The following CELF1 variants were observed in gnomAD, a reference collection of about 807,000 sequenced individuals.
The protein encoded by CELF1 is 50 kDa nuclear polyadenylated RNA-binding protein.
In CELF1, 10 loss-of-function variants were observed where a neutral mutation model predicts 61.8. That is an observed-to-expected ratio of 0.16 (90% CI 0.10 to 0.27). The LOEUF is 0.27. Among genes scored for constraint, CELF1 ranks in the 10% least tolerant of loss-of-function variants. The probability of loss-of-function intolerance (pLI) is 1.00; values close to 1 mark genes in which losing one functional copy is unlikely to be tolerated. For missense variants in CELF1, 380 were observed against 639.1 expected, an observed-to-expected ratio of 0.59 and a Z score of 4.37; for synonymous variants, 236 against 225.1, an observed-to-expected ratio of 1.05 and a Z score of -0.43.
At chr11:47,532,409 T>C (rs1030694674) in intron 1 of CELF1, among the ~76,000 whole-genome samples, 2 of 152,164 alleles carry the variant, frequency 1.3e-5, no homozygotes, top group Non-Finnish European at 2.9e-5. Context: ...CCCTTTGAAC[T>C]CCAGTACAGG....
In CELF1 at chr11:47,499,675, G is replaced by C. The variant is rs1331464175; in HGVS notation, c.-81-71C>G. ...ACCAGCAATAAGTGCCACAGAAAGA[G>C]GCAGGACTGGGGAAGGGGTAGGGAA... On this transcript the variant is annotated intron_variant, in intron 2 of 14. Coordinates refer to ENST00000687097, the MANE Select transcript of CELF1 (RefSeq NM_001376376.1). 3 of 630,942 alleles carry C rather than the reference G, an allele frequency of 4.8e-6. No individual in the cohort carries two copies. The Admixed American group carries it at 8.3e-5, about 17-fold the overall frequency. The allele number at this position is 630,942 out of a possible 1,614,324, so 39.1% of individuals were successfully genotyped here. A position where few individuals can be genotyped will look rare whatever the true frequency, so the allele number is the denominator to read the frequency against.
At chr11:47,510,391 G>A (rs974264868) in intron 1 of CELF1, among the ~76,000 whole-genome samples, 2 of 152,114 alleles carry the variant, frequency 1.3e-5, no homozygotes, top group African/African-American at 4.8e-5. Flanking sequence ...TACATAGCAC[G>A]TGCTAGATCA....
intron 7 of CELF1, among the ~76,000 whole-genome samples, 191 bp downstream of exon 7, chr11:47,484,198 T>C (rs1596383499): frequency 6.6e-6 from 1 of 151,972 alleles, no homozygotes; most frequent in African/African-American, 2.4e-5. Flanking sequence ...CTGGGTGTCA[T>C]GATGCATGCC....
chr11:47,525,450 A>T (rs1368496889), intron 1 of CELF1, among the ~76,000 whole-genome samples: 1 of 152,188 alleles, frequency 6.6e-6, no homozygotes, highest in Non-Finnish European at 1.5e-5. Context: ...GCCCTTACTG[A>T]AGTACTTAGT....
chr11:47,504,789 C>A (rs1309318044), intron 1 of CELF1, among the ~76,000 whole-genome samples: 1 of 149,732 alleles, frequency 6.7e-6, no homozygotes, highest in Non-Finnish European at 1.5e-5. Flanking sequence ...GTAGTCCCAG[C>A]TACTTGGGAG....
intron 13 of CELF1, among the ~76,000 whole-genome samples, chr11:47,474,225 T>G (rs565750333): frequency 2.0e-5 from 3 of 152,188 alleles, no homozygotes; most frequent in Non-Finnish European, 4.4e-5. Context: ...CCAAAAAGCT[T>G]TATTACAATT....
intron 1 of CELF1, among the ~76,000 whole-genome samples, chr11:47,528,926 CTTTTAT>C (rs1378560715): frequency 1.3e-5 from 2 of 151,790 alleles, no homozygotes; most frequent in African/African-American, 4.8e-5. Context: ...CCAGCTTTTA[CTTTTAT>C]ATCTGTCTCC....
intron 1 of CELF1, among the ~76,000 whole-genome samples, chr11:47,564,894 A>G (rs988068402): frequency 6.6e-6 from 1 of 152,188 alleles, no homozygotes; most frequent in Non-Finnish European, 1.5e-5. Context: ...ATTTTTCTTA[A>G]GGATATATTA....
At chr11:47,556,710 A>C (rs989212308), upstream of CELF1, among the ~76,000 whole-genome samples, 3 of 152,092 alleles carry the variant, frequency 2.0e-5, no homozygotes, top group Non-Finnish European at 4.4e-5. Flanking sequence ...ATCTCCATAT[A>C]AATAAAAAAT....
chr11:47,558,720 G>GTATATATAAT (rs1465086703), intron 2 of CELF1, among the ~76,000 whole-genome samples: 154 of 70,416 alleles, frequency 2.2e-3, no homozygotes, highest in African/African-American at 9.4e-3. Flanking sequence ...ATAATATTAT[G>GTATATATAAT]ACATATATTA....
intron 9 of CELF1, among the ~76,000 whole-genome samples, chr11:47,480,437 G>T (rs4752841): frequency 1 from 151,549 of 152,294 alleles, 75,410 homozygotes; most frequent in Middle Eastern, 1. Flanking sequence ...ACTGGTGGAC[G>T]GTGAATACTG....
chr11:47,516,498 T>C (rs1205831984), intron 1 of CELF1, among the ~76,000 whole-genome samples: 4 of 152,206 alleles, frequency 2.6e-5, no homozygotes, highest in Non-Finnish European at 5.9e-5. Flanking sequence ...TCTTAAATCT[T>C]CCGGGTATTG....
rs373523637 is a variant in CELF1 at position 47,490,425 on chromosome 11, G to GTTT, written c.72-1404_72-1402dup. Among the ~76,000 whole-genome samples, 156 of 130,052 alleles carry GTTT rather than the reference G, an allele frequency of 1.2e-3. 2 individuals are homozygous for GTTT. Among genetic ancestry groups the GTTT allele is most frequent in the Non-Finnish European group, 2.3e-3 (139 of 61,126 alleles). 85.3% of individuals were successfully genotyped at this position (130,052 alleles called of 152,430 possible). A position where few individuals can be genotyped will look rare whatever the true frequency, so the allele number is the denominator to read the frequency against. ...ATATCCAATCCCAAACAACATGCTA[G>GTTT]TTTTTTTTTTTTTTTTTTGAGGCTG... On this transcript the variant is annotated intron_variant, in intron 3 of 14. Transcript: ENST00000687097.
intron 13 of CELF1, among the ~76,000 whole-genome samples, chr11:47,474,024 A>G (rs2078901411): frequency 6.6e-6 from 1 of 152,012 alleles, no homozygotes; most frequent in Admixed American, 6.6e-5. Context: ...CTCCTGCCTC[A>G]GCCTCCCGAG....
At position 47,531,470 on chromosome 11, in the gene CELF1, G is replaced by A. The variant is rs1006885192; in HGVS notation, c.-154+21522C>T. 2.0e-5 allele frequency among the ~76,000 whole-genome samples: 3 copies of A among 152,076 alleles called. No homozygotes were observed. In the East Asian group the frequency reaches 5.8e-4, roughly 29 times the overall value. On this transcript the variant is annotated intron_variant, in intron 1 of 14. Coordinates refer to ENST00000687097, the MANE Select transcript of CELF1 (RefSeq NM_001376376.1). ...TATAGTCTCAGCTACTCTGGGGGCTGAGGTAGGAGAATTGCTTGAATCTGG... is the reference window on the plus strand; with the variant it reads ...TATAGTCTCAGCTACTCTGGGGGCTAAGGTAGGAGAATTGCTTGAATCTGG...
chr11:47,509,323 A>G (rs1234530350), intron 1 of CELF1, among the ~76,000 whole-genome samples: 1 of 152,152 alleles, frequency 6.6e-6, no homozygotes, highest in Non-Finnish European at 1.5e-5. Context: ...TTCTATTAAC[A>G]TTATCTCTAC....
At chr11:47,547,529 TAG>T (rs747859455) in intron 1 of CELF1, among the ~76,000 whole-genome samples, 3 of 151,756 alleles carry the variant, frequency 2.0e-5, no homozygotes, top group African/African-American at 4.8e-5. Context: ...AATACAAAAT[TAG>T]CCAGGCTAGG....
intron 12 of CELF1, among the ~76,000 whole-genome samples, chr11:47,475,733 G>A (rs1479454818): frequency 2.0e-5 from 3 of 152,112 alleles, no homozygotes; most frequent in Admixed American, 6.5e-5. Flanking sequence ...TGCCATACGC[G>A]GGTGTTGTGC....
intron 1 of CELF1, among the ~76,000 whole-genome samples, chr11:47,546,577 G>A (rs2096957505): frequency 6.6e-6 from 1 of 152,092 alleles, no homozygotes; most frequent in African/African-American, 2.4e-5. Context: ...GAGTATCTTT[G>A]AAATGTTCAT....
Sources: gnomAD v4.1 joint callset for allele counts (sites outside exome capture counted in the v4.1 genomes callset) on GRCh38, gnomAD v4.1.1 for gene constraint, MANE v1.5 for transcripts, NCBI Gene and HGNC (gene_info 2026-07-23, HGNC 2026-07-21) for gene names.